UPRT: variants seen among roughly 807,000 people sequenced by gnomAD.
The protein encoded by UPRT is uracil phosphoribosyltransferase homolog, also known as RP11-311P8.3.
UPRT carries 5 observed loss-of-function variants against 22.6 expected under a neutral mutation model. That is an observed-to-expected ratio of 0.22 (90% CI 0.12 to 0.47). UPRT has a LOEUF of 0.47. UPRT is among the 20% of genes least tolerant of loss of function. The pLI is 0.99. For missense variants in UPRT, 181 were observed against 239.9 expected (o/e 0.75, Z 1.62); for synonymous variants, 77 against 87.7 (o/e 0.88, Z 0.68).
intron 4 of UPRT, among the ~76,000 whole-genome samples, chrX:75,259,450 C>T (rs775447549): frequency 8.1e-4 from 87 of 107,711 alleles, no homozygotes; most frequent in Non-Finnish European, 1.1e-3. Flanking sequence ...CAGAACGAGA[C>T]CTTTTGAAGC....
chrX:75,164,067 C>T (rs1160127156), intron 3 of UPRT, among the ~76,000 whole-genome samples: 2 of 111,287 alleles, frequency 1.8e-5, no homozygotes, highest in African/African-American at 6.5e-5. Flanking sequence ...ATCCCAGCTC[C>T]TCAAGAGGCT....
chrX:75,229,137 GA>G (rs950600806), intron 4 of UPRT, among the ~76,000 whole-genome samples: 2 of 111,967 alleles, frequency 1.8e-5, no homozygotes, highest in African/African-American at 6.5e-5. Flanking sequence ...TGAAATTTGT[GA>G]ATTGAGTAGA....
chrX:75,220,128 C>G (rs1337311001), intron 4 of UPRT, among the ~76,000 whole-genome samples: 1 of 111,163 alleles, frequency 9.0e-6, no homozygotes, highest in Non-Finnish European at 1.9e-5. Context: ...GTTATATATT[C>G]TTGCTGAAAT....
chrX:75,237,326 C>T (rs955562104), intron 4 of UPRT, among the ~76,000 whole-genome samples: 1 of 111,477 alleles, frequency 9.0e-6, no homozygotes, highest in East Asian at 2.9e-4. Context: ...TGTGGAGAAA[C>T]AGGAACACTT....
At chrX:75,249,053 A>T (rs2082518023) in intron 4 of UPRT, among the ~76,000 whole-genome samples, 1 of 111,717 alleles carries the variant, frequency 9.0e-6, no homozygotes, top group African/African-American at 3.3e-5. Context: ...AGAGCTCCTA[A>T]AGGAAGTGTT....
intron 1 of UPRT, 191 bp downstream of exon 1, chrX:75,274,831 C>A: frequency 2.3e-6 from 1 of 441,227 alleles, no homozygotes; most frequent in Non-Finnish European, 3.6e-6. Context: ...GTAACTCGAA[C>A]GCCAACCTTC....
chrX:75,205,412 AAGAG>A (rs1185468982), intron 4 of UPRT, among the ~76,000 whole-genome samples: 3 of 106,344 alleles, frequency 2.8e-5, no homozygotes, highest in African/African-American at 1.0e-4. Context: ...AAAAAAAAAA[AAGAG>A]AAGATTTGAA....
chrX:75,251,755 T>A (rs1401868899), intron 4 of UPRT, among the ~76,000 whole-genome samples: 1 of 111,265 alleles, frequency 9.0e-6, no homozygotes, highest in Non-Finnish European at 1.9e-5. Context: ...CATCACCAAG[T>A]CAATCCTAAG....
At chrX:75,297,001 A>G (rs1242806093) in intron 3 of UPRT, among the ~76,000 whole-genome samples, 3 of 111,590 alleles carry the variant, frequency 2.7e-5, no homozygotes, top group African/African-American at 9.8e-5. Context: ...CAAATTCAGG[A>G]TGAGACCAAG....
Position 75,299,914 on chromosome X carries a change from G to GT in UPRT, c.724+21dup. 10 of 1,203,078 alleles carry GT rather than the reference G, an allele frequency of 8.3e-6. No individual in the cohort carries two copies. Among genetic ancestry groups the GT allele is most frequent in the Non-Finnish European group, 1.1e-5 (10 of 890,959 alleles). On this transcript the variant is annotated intron_variant, in intron 5 of 6. Transcript: ENST00000373383. ...AATTCTCAGTGAGTGGCTTCCATTTGTTTGTAACCTTTGGTTAGGGTTTAA... is the reference window on the plus strand; with the variant it reads ...AATTCTCAGTGAGTGGCTTCCATTTGTTTTGTAACCTTTGGTTAGGGTTTAA...
intron 4 of UPRT, among the ~76,000 whole-genome samples, chrX:75,237,906 A>T (rs1182972864): frequency 9.1e-6 from 1 of 109,964 alleles, no homozygotes; most frequent in African/African-American, 3.3e-5. Flanking sequence ...TATGTAACTA[A>T]CCTGCACATT....
chrX:75,156,899 T>TCACACACACA lies in UPRT; in HGVS notation c.-737+368_-737+377dup, dbSNP rs753344635. On this transcript the variant is annotated intron_variant, in intron 1 of 13. Coordinates refer to the UPRT transcript ENST00000652605. ...TTGGTCTGTTGCTCGTGGGACAGTC[T>TCACACACACA]CACACACACACACACACACACACAC... 3.9e-4 allele frequency among the ~76,000 whole-genome samples: 39 copies of TCACACACACA among 99,581 alleles called. 1 individual carries two copies. The highest frequency in any genetic ancestry group is 6.1e-4 in the African/African-American group (16 of 26,204). 86.5% of individuals were successfully genotyped at this position (99,581 alleles called of 115,157 possible).
chrX:75,192,202 A>G (rs1386962563), intron 4 of UPRT, among the ~76,000 whole-genome samples: 2 of 111,527 alleles, frequency 1.8e-5, no homozygotes, highest in African/African-American at 6.5e-5. Context: ...TTTCTGCCTT[A>G]ATTTCATTAT....
intron 4 of UPRT, among the ~76,000 whole-genome samples, chrX:75,206,652 G>T (rs1172190453): frequency 9.1e-6 from 1 of 110,393 alleles, no homozygotes; most frequent in Non-Finnish European, 1.9e-5. Flanking sequence ...GGAGTATGCT[G>T]GGAAAAATGG....
At chrX:75,191,695 T>A (rs948195300) in intron 4 of UPRT, among the ~76,000 whole-genome samples, 33 of 112,077 alleles carry the variant, frequency 2.9e-4, no homozygotes, top group African/African-American at 1.0e-3. Flanking sequence ...ACTGCCACCT[T>A]GCAGTTGGAT....
At chrX:75,200,786 A>T (rs1476871708) in intron 4 of UPRT, among the ~76,000 whole-genome samples, 1 of 111,113 alleles carries the variant, frequency 9.0e-6, no homozygotes, top group Admixed American at 9.6e-5. Context: ...ATAGATAAAA[A>T]ACAAAAAAAT....
chrX:75,274,365 C>A lies in UPRT; in HGVS notation c.111C>A (p.Asp37Glu). Reference protein sequence around the residue: ...EQLRPGDLILDHAGGNRASRA... With the variant: ...EQLRPGDLILEHAGGNRASRA... Reference sequence around the variant, plus strand: ...TGCGACCTGGCGATCTGATCCTGGACCACGCAGGGGGAAACAGAGCCTCCA... The same window carrying A: ...TGCGACCTGGCGATCTGATCCTGGAACACGCAGGGGGAAACAGAGCCTCCA... The change falls in exon 1 of 7, where the codon GAC becomes GAA. Residue 37 changes from aspartate (D) to glutamate (E), a missense_variant. Asp to Glu is a conservative substitution (Grantham distance 45, BLOSUM62 2). Transcript: ENST00000373383. The A allele has an allele frequency of 8.3e-7, 1 of 1,211,635 alleles. No homozygotes were observed. The highest frequency in any genetic ancestry group is 1.1e-6 in the Non-Finnish European group (1 of 895,463).
chrX:75,160,205 G>A (rs552923724), intron 1 of UPRT, among the ~76,000 whole-genome samples: 1 of 111,674 alleles, frequency 9.0e-6, no homozygotes, highest in South Asian at 3.7e-4. Context: ...AGGAAGAGGC[G>A]ATAAATAGGT....
chrX:75,207,855 G>A (rs2082371091), intron 4 of UPRT, among the ~76,000 whole-genome samples: 1 of 111,845 alleles, frequency 8.9e-6, no homozygotes, highest in South Asian at 3.8e-4. Context: ...AGTAGTCCAA[G>A]AGCAAGGCCT....
Sources: allele counts gnomAD v4.1 joint callset (sites outside exome capture counted in the v4.1 genomes callset), GRCh38; gene constraint gnomAD v4.1.1; transcripts MANE v1.5; gene names NCBI Gene and HGNC (gene_info 2026-07-23, HGNC 2026-07-21).